Variants in C10orf90 observed in about 807,000 individuals in gnomAD.
The protein encoded by C10orf90 is chromosome 10 open reading frame 90.
In C10orf90, 56 loss-of-function variants were observed where a neutral mutation model predicts 62.5. The ratio of observed to expected loss-of-function variants is 0.90; its 90% CI spans 0.72 to 1.12. The LOEUF is 1.12. Among genes scored for constraint, C10orf90 ranks in the 50% most tolerant of loss-of-function variants. C10orf90 has a pLI of 0.00. For synonymous variants in C10orf90, 386 were observed against 340.4 expected (o/e 1.13, Z -1.47); for missense variants, 970 against 880.4 (o/e 1.10, Z -1.29).
At chr10:126,572,382 A>G (rs1844525075) in intron 2 of C10orf90, among the ~76,000 whole-genome samples, 1 of 152,152 alleles carries the variant, frequency 6.6e-6, no homozygotes, top group East Asian at 1.9e-4. Context: ...TTTATTAAGG[A>G]AGTAAAGGAA....
chr10:126,637,862 C>T (rs776840852), intron 2 of C10orf90, among the ~76,000 whole-genome samples: 49 of 152,056 alleles, frequency 3.2e-4, no homozygotes, highest in African/African-American at 4.8e-4. Flanking sequence ...TGGTGTGGTC[C>T]GAGCAGGTCA....
At chr10:126,603,219 C>A (rs528624082) in intron 2 of C10orf90, among the ~76,000 whole-genome samples, 1 of 152,242 alleles carries the variant, frequency 6.6e-6, no homozygotes, top group Non-Finnish European at 1.5e-5. Context: ...TGACTCACAA[C>A]CCCTTAGGGC....
intron 4 of C10orf90, among the ~76,000 whole-genome samples, chr10:126,492,328 G>A (rs1368261380): frequency 6.6e-6 from 1 of 152,052 alleles, no homozygotes; most frequent in Admixed American, 6.5e-5. Context: ...AAGGACAGCC[G>A]CCCATAATGA....
At chr10:126,515,750 G>A (rs1283137016) in intron 2 of C10orf90, among the ~76,000 whole-genome samples, 1 of 152,136 alleles carries the variant, frequency 6.6e-6, no homozygotes, top group Non-Finnish European at 1.5e-5. Flanking sequence ...TTGCAAAAGG[G>A]TCAGGACATG....
At chr10:126,584,984 T>A (rs6597784) in intron 2 of C10orf90, among the ~76,000 whole-genome samples, 104,201 of 151,566 alleles carry the variant, frequency 0.69, 37,025 homozygotes, top group African/African-American at 0.87. Flanking sequence ...TGGCCAATGC[T>A]CAGCCCCTGC....
intron 2 of C10orf90, among the ~76,000 whole-genome samples, chr10:126,618,802 T>C (rs1351240424): frequency 6.6e-6 from 1 of 152,218 alleles, no homozygotes. Flanking sequence ...TTAATCATTC[T>C]GACTTCACTC....
intron 2 of C10orf90, among the ~76,000 whole-genome samples, chr10:126,515,339 T>C (rs1271420248): frequency 6.6e-6 from 1 of 152,188 alleles, no homozygotes; most frequent in East Asian, 1.9e-4. Flanking sequence ...CACTCACTCA[T>C]CCAGATCAAC....
In C10orf90 at chr10:126,425,817, G is replaced by A. The variant is rs761862307; in HGVS notation, c.*47C>T. 2.2e-5 allele frequency: 34 copies of A among 1,579,428 alleles called. No individual in the cohort carries two copies. The highest frequency in any genetic ancestry group is 3.7e-5 in the Admixed American group (2 of 53,428). On this transcript the variant is annotated 3_prime_UTR_variant, in exon 10 of 10. Transcript: ENST00000488181. ...AAGTTTAATGGCTTATCCAGCATTC[G>A]AAGTCCTCCCAGGTCCAGGTAGTGT...
intron 7 of C10orf90, among the ~76,000 whole-genome samples, chr10:126,433,727 AAAACG>A (rs999623778): frequency 3.3e-5 from 5 of 151,938 alleles, no homozygotes; most frequent in African/African-American, 1.2e-4. Context: ...AAAACAAAAC[AAAACG>A]AAAACAAAAC....
chr10:126,428,874 G>T (rs1300699074), intron 8 of C10orf90, among the ~76,000 whole-genome samples: 1 of 152,060 alleles, frequency 6.6e-6, no homozygotes, highest in African/African-American at 2.4e-5. Flanking sequence ...TAATGGGACG[G>T]TCTCCCTTTT....
chr10:126,615,357 T>C (rs1444064055), intron 2 of C10orf90, among the ~76,000 whole-genome samples: 1 of 152,182 alleles, frequency 6.6e-6, no homozygotes, highest in Non-Finnish European at 1.5e-5. Flanking sequence ...AGGTCTTGGA[T>C]ACCCAAAACC....
intron 7 of C10orf90, among the ~76,000 whole-genome samples, chr10:126,446,650 C>T (rs1216717753): frequency 1.3e-5 from 2 of 152,070 alleles, no homozygotes; most frequent in South Asian, 4.1e-4. Flanking sequence ...CACACTAAAG[C>T]AAAAGGATAC....
intron 2 of C10orf90, among the ~76,000 whole-genome samples, chr10:126,574,871 T>C (rs1844578449): frequency 6.6e-6 from 1 of 152,228 alleles, no homozygotes; most frequent in Admixed American, 6.5e-5. Flanking sequence ...TGGTTAGTAT[T>C]TGGGAGAGGG....
rs373284674 is a variant in C10orf90 at position 126,473,274 on chromosome 10, C to T, written c.1535-8288G>A. ...ATGCCTATTACTCAGAATCACTGAGCCCTCAAGTCCCCACCACCTCTGTTG... is the reference window on the plus strand; with the variant it reads ...ATGCCTATTACTCAGAATCACTGAGTCCTCAAGTCCCCACCACCTCTGTTG... On this transcript the variant is annotated intron_variant, in intron 4 of 9. Transcript: ENST00000488181. 1.1e-4 allele frequency among the ~76,000 whole-genome samples: 17 copies of T among 152,288 alleles called. No homozygotes were observed. The East Asian group carries it at 1.7e-3, about 16-fold the overall frequency.
Position 126,636,494 on chromosome 10 carries a change from G to A in C10orf90, c.313+10071C>T, listed in dbSNP as rs200642712. On this transcript the variant is annotated intron_variant, in intron 2 of 9. Coordinates refer to ENST00000488181, the MANE Select transcript of C10orf90 (RefSeq NM_001350921.2). ...TTTTTACCAAGATATAAAATAAGCC[G>A]TGAAAAGTCATAGGTGTGTAATGAG... Among the ~76,000 whole-genome samples the A allele has an allele frequency of 1.2e-4, 19 of 152,310 alleles. No individual in the cohort carries two copies. In the East Asian group the frequency reaches 2.3e-3, roughly 19 times the overall value.
At chr10:126,611,543 A>C (rs1360211090) in intron 2 of C10orf90, among the ~76,000 whole-genome samples, 6 of 152,212 alleles carry the variant, frequency 3.9e-5, no homozygotes, top group Non-Finnish European at 7.3e-5. Context: ...TTCTACATTT[A>C]ACCTTTGGAG....
chr10:126,555,850 TAATTCACTTCAG>T (rs6144148), intron 2 of C10orf90, among the ~76,000 whole-genome samples: 38,755 of 151,924 alleles, frequency 0.26, 5,332 homozygotes, highest in East Asian at 0.38. Context: ...CATGAATGGT[TAATTCACTTCAG>T]AAGTTACTTA....
chr10:126,596,547 G>A (rs570840925), intron 2 of C10orf90, among the ~76,000 whole-genome samples: 40 of 152,134 alleles, frequency 2.6e-4, no homozygotes, highest in Non-Finnish European at 5.4e-4. Context: ...AGTCAAAAAT[G>A]CATTTAATTC....
Position 126,459,369 on chromosome 10 carries a change from C to A in C10orf90, c.2011-152G>T, listed in dbSNP as rs1299944063. 8 of 872,850 alleles carry A rather than the reference C, an allele frequency of 9.2e-6. No homozygotes were observed. In the East Asian group the frequency reaches 1.8e-4, roughly 20 times the overall value. 54.1% of individuals were successfully genotyped at this position (872,850 alleles called of 1,614,324 possible). A position where few individuals can be genotyped will look rare whatever the true frequency, so the allele number is the denominator to read the frequency against. ...AGTACGTCACGCTTTTCTTGCACATCTTTGTGTAAAGAAGGTAACAGGCAT... is the reference window on the plus strand; with the variant it reads ...AGTACGTCACGCTTTTCTTGCACATATTTGTGTAAAGAAGGTAACAGGCAT... On this transcript the variant is annotated intron_variant, in intron 6 of 9. Transcript: ENST00000488181.
Sources: gnomAD v4.1 joint callset for allele counts (sites outside exome capture counted in the v4.1 genomes callset) on GRCh38, gnomAD v4.1.1 for gene constraint, MANE v1.5 for transcripts, NCBI Gene and HGNC (gene_info 2026-07-23, HGNC 2026-07-21) for gene names.